Variants in CCDC141 observed in about 807,000 individuals in gnomAD.
The protein encoded by CCDC141 is coiled-coil domain-containing protein 141.
In CCDC141, 168 loss-of-function variants were observed where a neutral mutation model predicts 181.0. The ratio of observed to expected loss-of-function variants is 0.93; its 90% CI spans 0.82 to 1.05. The LOEUF (loss-of-function observed/expected upper bound fraction) is 1.05, where lower values mean the gene tolerates loss of function less well. Among genes scored for constraint, CCDC141 ranks in the 50% least tolerant of loss-of-function variants. The probability of loss-of-function intolerance (pLI) is 0.00; values close to 1 mark genes in which losing one functional copy is unlikely to be tolerated. For synonymous variants in CCDC141, 666 were observed against 642.3 expected (o/e 1.04, Z -0.56); for missense variants, 1,902 against 1,788.5 (o/e 1.06, Z -1.14).
chr2:178,923,230 A>G lies in CCDC141; in HGVS notation c.898-4323T>C, dbSNP rs879585687. ...CGCCATTCTCCTGCCTCAGCCTCCC[A>G]AGTAGCTGGGACTACAGGCGCCCGC... On this transcript the variant is annotated intron_variant, in intron 6 of 23. Coordinates refer to ENST00000443758, the MANE Select transcript of CCDC141 (RefSeq NM_173648.4). Among the ~76,000 whole-genome samples, 175 of 148,336 alleles carry G rather than the reference A, an allele frequency of 1.2e-3. 2 individuals carry two copies. Among genetic ancestry groups the G allele is most frequent in the Middle Eastern group, 3.6e-3 (1 of 280 alleles).
At chr2:178,914,374 T>C (rs1194889282) in intron 7 of CCDC141, among the ~76,000 whole-genome samples, 3 of 152,236 alleles carry the variant, frequency 2.0e-5, no homozygotes, top group South Asian at 2.1e-4. Context: ...TCTTGAGTTA[T>C]ATGGCTCACT....
intron 5 of CCDC141, among the ~76,000 whole-genome samples, chr2:178,950,548 ACTGC>A (rs1689911984): frequency 6.6e-6 from 1 of 152,230 alleles, no homozygotes; most frequent in South Asian, 2.1e-4. Context: ...AAAAACAATT[ACTGC>A]CAAAAATGTG....
intron 1 of CCDC141, among the ~76,000 whole-genome samples, chr2:179,048,666 C>T (rs1276996313): frequency 1.3e-5 from 2 of 152,166 alleles, no homozygotes; most frequent in Non-Finnish European, 2.9e-5. Flanking sequence ...TGCCCTACTT[C>T]TGCATCAGGC....
intron 2 of CCDC141, among the ~76,000 whole-genome samples, chr2:179,038,441 T>C (rs1016120527): frequency 1.3e-5 from 2 of 152,196 alleles, no homozygotes; most frequent in African/African-American, 4.8e-5. Context: ...ATAGTGGTGA[T>C]GGTTGCACAA....
At chr2:178,862,276 G>A (rs2154368224) in intron 17 of CCDC141, among the ~76,000 whole-genome samples, 1 of 152,292 alleles carries the variant, frequency 6.6e-6, no homozygotes. Flanking sequence ...TAATTATCTG[G>A]AAGTTCTATG....
At chr2:179,010,681 CAAAACAGAACCTCTTT>C (rs2042242780) in intron 2 of CCDC141, among the ~76,000 whole-genome samples, 1 of 152,050 alleles carries the variant, frequency 6.6e-6, no homozygotes, top group Non-Finnish European at 1.5e-5. Flanking sequence ...GGAAACACAA[CAAAACAGAACCTCTTT>C]AAAGCATAAA....
At chr2:179,004,981 C>T (rs1403274894) in intron 2 of CCDC141, among the ~76,000 whole-genome samples, 2 of 152,174 alleles carry the variant, frequency 1.3e-5, no homozygotes, top group African/African-American at 4.8e-5. Flanking sequence ...ATCCACCTGC[C>T]TCGGCCTCCC....
intron 14 of CCDC141, among the ~76,000 whole-genome samples, chr2:178,870,579 G>A (rs998114332): frequency 6.6e-6 from 1 of 152,174 alleles, no homozygotes; most frequent in Non-Finnish European, 1.5e-5. Flanking sequence ...AGTTTTATAA[G>A]AGTTTGCTGT....
At chr2:179,005,245 G>T (rs528210288) in intron 2 of CCDC141, among the ~76,000 whole-genome samples, 3 of 152,046 alleles carry the variant, frequency 2.0e-5, no homozygotes, top group East Asian at 3.9e-4. Context: ...GCAGGTAAAT[G>T]GATCTAAACT....
At position 179,049,903 on chromosome 2, in the gene CCDC141, C is replaced by G; in HGVS notation, c.39G>C (p.Thr13=). The G allele has an allele frequency of 6.4e-7, 1 of 1,550,716 alleles. No homozygotes were observed. Among genetic ancestry groups the G allele is most frequent in the South Asian group, 1.2e-5 (1 of 84,052 alleles). The part of the protein sequence containing the change: ...SQGSPSVALS[T]TTVSSVAVQA... ...GCACAGCAACTGAACTGACTGTCGT[C>G]GTAGAAAGCGCAACACTAGGACTTC... is the stretch of plus-strand genomic sequence containing the variant. Residue 13 remains threonine (T), a synonymous_variant, in exon 1 of 24, where the codon ACG becomes ACC. Coordinates refer to ENST00000443758, the MANE Select transcript of CCDC141 (RefSeq NM_173648.4).
At chr2:178,903,914 T>A (rs1363985816) in intron 8 of CCDC141, among the ~76,000 whole-genome samples, 4 of 152,138 alleles carry the variant, frequency 2.6e-5, no homozygotes, top group Non-Finnish European at 5.9e-5. Flanking sequence ...AAATTATAAC[T>A]GGAAACCTCA....
Position 178,837,744 on chromosome 2 carries a change from C to T in CCDC141, c.3475G>A (p.Gly1159Arg). 1.3e-6 allele frequency: 2 copies of T among 1,584,536 alleles called. No individual in the cohort carries two copies. The highest frequency in any genetic ancestry group is 1.7e-6 in the Non-Finnish European group (2 of 1,169,538). The change falls in exon 23 of 24, where the codon GGG becomes AGG. Residue 1159 changes from glycine (G) to arginine (R), a missense_variant and splice_region_variant. Coordinates refer to ENST00000443758, the MANE Select transcript of CCDC141 (RefSeq NM_173648.4). Reference protein sequence around the residue: ...QTIFNEERNKGQVQVADLLGI... With the variant: ...QTIFNEERNKRQVQVADLLGI... ...AAAAGATCTGCCACCTGCACCTGCC[C>T]CTTGAAAAAAGAAAAGCCAAATCAT... is the stretch of plus-strand genomic sequence containing the variant.
At chr2:179,013,060 C>T (rs1194946866) in intron 2 of CCDC141, among the ~76,000 whole-genome samples, 1 of 152,056 alleles carries the variant, frequency 6.6e-6, no homozygotes, top group Non-Finnish European at 1.5e-5. Context: ...TGGAACAAGA[C>T]AAAAATGCCC....
At chr2:178,940,609 G>T (rs1161057540) in intron 6 of CCDC141, among the ~76,000 whole-genome samples, 1 of 152,106 alleles carries the variant, frequency 6.6e-6, no homozygotes, top group African/African-American at 2.4e-5. Context: ...AAGATATTGG[G>T]TGGATAGATA....
At chr2:179,049,149 G>A (rs1418837295) in intron 1 of CCDC141, among the ~76,000 whole-genome samples, 1 of 152,110 alleles carries the variant, frequency 6.6e-6, no homozygotes, top group Non-Finnish European at 1.5e-5. Context: ...AAGATGTGTG[G>A]TCATCTTTGC....
At chr2:178,920,388 C>T (rs1397111406) in intron 6 of CCDC141, among the ~76,000 whole-genome samples, 1 of 151,950 alleles carries the variant, frequency 6.6e-6, no homozygotes, top group Non-Finnish European at 1.5e-5. Flanking sequence ...CTACTATGTC[C>T]CCAGCACTAT....
intron 2 of CCDC141, among the ~76,000 whole-genome samples, chr2:179,044,580 T>C (rs1439033982): frequency 3.3e-5 from 5 of 152,168 alleles, no homozygotes; most frequent in Admixed American, 1.3e-4. Flanking sequence ...AGTTCCAAAC[T>C]GATGTGAGCT....
Position 178,902,940 on chromosome 2 carries a change from G to C in CCDC141, c.1265+2389C>G, listed in dbSNP as rs899744516. Among the ~76,000 whole-genome samples, 28 of 148,490 alleles carry C rather than the reference G, an allele frequency of 1.9e-4. 1 individual carries two copies. The highest frequency in any genetic ancestry group is 5.6e-4 in the Admixed American group (8 of 14,216). On this transcript the variant is annotated intron_variant, in intron 8 of 23. Coordinates refer to ENST00000443758, the MANE Select transcript of CCDC141 (RefSeq NM_173648.4). ...AAACAAACAACCCCATCAAAAAGTG[G>C]GCGAAGGACATGAACAGACACTTCT...
At chr2:178,922,517 A>T (rs1333683022) in intron 6 of CCDC141, among the ~76,000 whole-genome samples, 1 of 152,178 alleles carries the variant, frequency 6.6e-6, no homozygotes, top group Non-Finnish European at 1.5e-5. Context: ...AAGACCTCGG[A>T]GGTGATAAAA....
Sources: gnomAD v4.1 joint callset for allele counts (sites outside exome capture counted in the v4.1 genomes callset) on GRCh38, gnomAD v4.1.1 for gene constraint, MANE v1.5 for transcripts, NCBI Gene and HGNC (gene_info 2026-07-23, HGNC 2026-07-21) for gene names.